The following HPSE2 variants were observed in gnomAD, a reference collection of about 807,000 sequenced individuals.
The protein encoded by HPSE2 is inactive heparanase-2.
Under a neutral mutation model 60.5 loss-of-function variants are expected in HPSE2, and 38 were observed. The ratio of observed to expected loss-of-function variants is 0.63; its 90% confidence interval spans 0.48 to 0.82. The LOEUF (loss-of-function observed/expected upper bound fraction) is 0.82, where lower values mean the gene tolerates loss of function less well. HPSE2 is among the 40% of genes least tolerant of loss of function. The pLI, the probability that HPSE2 is intolerant of heterozygous loss-of-function variation, is 0.00. For missense variants in HPSE2, 713 were observed against 740.4 expected (o/e 0.96, Z 0.43); for synonymous variants, 295 against 293.2 (o/e 1.01, Z -0.06).
At chr10:98,947,751 C>T (rs565410549) in intron 3 of HPSE2, among the ~76,000 whole-genome samples, 1 of 152,096 alleles carries the variant, frequency 6.6e-6, no homozygotes, top group East Asian at 1.9e-4. Flanking sequence ...AACCCCAAGC[C>T]TTAAAGGAAA....
intron 2 of HPSE2, among the ~76,000 whole-genome samples, chr10:99,208,268 GAAGAC>G (rs1848828243): frequency 6.6e-6 from 1 of 151,874 alleles, no homozygotes. Flanking sequence ...AATCAGAAAT[GAAGAC>G]AAGACAGGAA....
chr10:98,548,667 G>A (rs1220914861), intron 9 of HPSE2, among the ~76,000 whole-genome samples: 1 of 151,986 alleles, frequency 6.6e-6, no homozygotes, highest in Non-Finnish European at 1.5e-5. Flanking sequence ...TTTCAACCTT[G>A]GGGTAAGGGG....
chr10:99,092,913 A>T (rs1207852782), intron 3 of HPSE2, among the ~76,000 whole-genome samples: 1 of 152,152 alleles, frequency 6.6e-6, no homozygotes, highest in Non-Finnish European at 1.5e-5. Flanking sequence ...GATGTACTTC[A>T]TTTTCCAATA....
intron 9 of HPSE2, among the ~76,000 whole-genome samples, chr10:98,492,510 C>CAAAAAAAAAAAAAAA (rs10645866): frequency 3.6e-5 from 4 of 112,130 alleles, no homozygotes; most frequent in African/African-American, 1.0e-4. Flanking sequence ...TCAAAAAAGA[C>CAAAAAAAAAAAAAAA]AAAAAAAAAA....
At chr10:99,099,621 G>A (rs555314337) in intron 3 of HPSE2, among the ~76,000 whole-genome samples, 3 of 152,230 alleles carry the variant, frequency 2.0e-5, no homozygotes, top group Non-Finnish European at 4.4e-5. Context: ...AAATGTCCCT[G>A]TCTGACAGCT....
chr10:98,777,243 A>G (rs1312615645), intron 3 of HPSE2, among the ~76,000 whole-genome samples: 13 of 152,180 alleles, frequency 8.5e-5, no homozygotes, highest in East Asian at 1.9e-4. Context: ...CACCTTGGGC[A>G]GGCTTAATTA....
At chr10:99,183,204 G>A (rs1439658363) in intron 2 of HPSE2, among the ~76,000 whole-genome samples, 1 of 152,040 alleles carries the variant, frequency 6.6e-6, no homozygotes, top group Non-Finnish European at 1.5e-5. Flanking sequence ...GTTAAGAGTG[G>A]CCAAGGCAAC....
At chr10:99,276,207 T>C in the HPSE2 span, among the ~76,000 whole-genome samples, 6 of 152,256 alleles carry the variant, frequency 3.9e-5, no homozygotes, top group East Asian at 1.2e-3. Flanking sequence ...TCATAACAAC[T>C]CCATTTAGTA....
At chr10:99,268,966 G>A in the HPSE2 span, among the ~76,000 whole-genome samples, 6 of 151,968 alleles carry the variant, frequency 3.9e-5, no homozygotes, top group African/African-American at 1.4e-4. Context: ...GACCAGCCTG[G>A]CCAACATGAT....
chr10:99,235,740 G>T lies in HPSE2; in HGVS notation c.63C>A (p.Cys21Ter). 1 of 1,613,806 alleles carries T rather than the reference G, an allele frequency of 6.2e-7. No individual in the cohort carries two copies. The highest frequency in any genetic ancestry group is 1.1e-5 in the South Asian group (1 of 91,058). Residue 21 changes from cysteine to a stop codon, truncating the protein, a stop_gained, in exon 1 of 12, where the codon TGC becomes TGA. Coordinates refer to ENST00000370552, the MANE Select transcript of HPSE2 (RefSeq NM_021828.5). LOFTEE classifies it high-confidence loss of function. The stretch of plus-strand genomic sequence containing the variant: ...CCAAGTAGAGAGCCCCCGGGGCTAG[G>T]CACGCGGGGGGGCGGGAGTTGCTGG... ...MPSSNSRPPA[C>*]LAPGALYLAL... is the part of the protein sequence containing the mutation.
intron 6 of HPSE2, among the ~76,000 whole-genome samples, chr10:98,665,808 T>C (rs1011186523): frequency 6.6e-6 from 1 of 152,168 alleles, no homozygotes; most frequent in Non-Finnish European, 1.5e-5. Context: ...GAACAAAAGG[T>C]TGATACCTGC....
the HPSE2 span, among the ~76,000 whole-genome samples, chr10:99,266,840 C>T: frequency 6.6e-6 from 1 of 152,160 alleles, no homozygotes; most frequent in Non-Finnish European, 1.5e-5. Context: ...TGCAGACACT[C>T]CCCAGTACCA....
chr10:98,593,732 A>G (rs1304808662), intron 9 of HPSE2, among the ~76,000 whole-genome samples: 6 of 152,174 alleles, frequency 3.9e-5, no homozygotes, highest in Admixed American at 3.3e-4. Context: ...TAAATTACCT[A>G]CATTGTTGGG....
chr10:98,535,230 A>G (rs1193222479), intron 9 of HPSE2, among the ~76,000 whole-genome samples: 1 of 152,220 alleles, frequency 6.6e-6, no homozygotes, highest in East Asian at 1.9e-4. Context: ...TATAAAAACT[A>G]GTTTTTCATC....
the HPSE2 span, among the ~76,000 whole-genome samples, chr10:99,310,881 G>A: frequency 7.9e-5 from 12 of 152,104 alleles, no homozygotes; most frequent in African/African-American, 2.2e-4. Flanking sequence ...TGTCTGCCTC[G>A]GCCTCCCAAA....
intron 9 of HPSE2, among the ~76,000 whole-genome samples, chr10:98,580,836 A>ATATATATATATATATATGTGTGTGTG: frequency 4.2e-5 from 5 of 119,528 alleles, no homozygotes; most frequent in African/African-American, 1.8e-4. Flanking sequence ...ATATATATAT[A>ATATATATATATATATATGTGTGTGTG]TGTGTGTGTG....
intron 9 of HPSE2, among the ~76,000 whole-genome samples, chr10:98,512,582 C>G (rs1482139308): frequency 1.2e-5 from 1 of 86,720 alleles, no homozygotes; most frequent in Non-Finnish European, 3.0e-5. Flanking sequence ...GAGACTGCGT[C>G]TCAAAAAAAA....
At chr10:98,874,103 T>G (rs1257978955) in intron 3 of HPSE2, among the ~76,000 whole-genome samples, 3 of 152,080 alleles carry the variant, frequency 2.0e-5, no homozygotes, top group Non-Finnish European at 4.4e-5. Context: ...TTCCTCATAT[T>G]AGACCTTTGT....
chr10:98,746,098 C>T (rs1386467985), intron 3 of HPSE2, among the ~76,000 whole-genome samples: 2 of 135,650 alleles, frequency 1.5e-5, no homozygotes, highest in African/African-American at 5.4e-5. Context: ...TCATACTCTA[C>T]CCAGAAATAA....
Sources: allele counts gnomAD v4.1 joint callset (sites outside exome capture counted in the v4.1 genomes callset), GRCh38; gene constraint gnomAD v4.1.1; transcripts MANE v1.5; gene names NCBI Gene and HGNC (gene_info 2026-07-23, HGNC 2026-07-21).